Variants in CCSER1 observed in about 807,000 individuals in gnomAD.
CCSER1 encodes serine-rich coiled-coil domain-containing protein 1.
A neutral mutation model predicts 82.0 loss-of-function variants in CCSER1; 41 were observed. The ratio of observed to expected loss-of-function variants is 0.50; its 90% CI spans 0.39 to 0.65. The LOEUF (loss-of-function observed/expected upper bound fraction) is 0.65. Among genes scored for constraint, CCSER1 ranks in the 30% least tolerant of loss-of-function variants. The probability of loss-of-function intolerance (pLI) is 0.00; values close to 1 mark genes in which losing one functional copy is unlikely to be tolerated. For missense variants in CCSER1, 1,119 were observed against 1,064.2 expected, an observed-to-expected ratio of 1.05 and a Z score of -0.72; for synonymous variants, 414 against 383.9, an observed-to-expected ratio of 1.08 and a Z score of -0.92.
At chr4:91,194,673 AACAC>A (rs370891528) in intron 10 of CCSER1, among the ~76,000 whole-genome samples, 2,745 of 150,032 alleles carry the variant, frequency 0.018, 61 homozygotes, top group African/African-American at 0.054. Context: ...CATGGTAGAG[AACAC>A]ACACACACAC....
intron 3 of CCSER1, among the ~76,000 whole-genome samples, chr4:90,391,444 G>GGATA (rs1465114730): frequency 5.3e-5 from 2 of 37,472 alleles, no homozygotes; most frequent in African/African-American, 1.0e-4. Context: ...ATATATGGGG[G>GGATA]TATATATATA....
intron 9 of CCSER1, among the ~76,000 whole-genome samples, chr4:91,078,627 C>T (rs1204993253): frequency 6.6e-6 from 1 of 152,152 alleles, no homozygotes; most frequent in Non-Finnish European, 1.5e-5. Flanking sequence ...TAATAACAAA[C>T]TTCTCCGAGC....
chr4:91,212,099 C>A (rs149528370), intron 10 of CCSER1, among the ~76,000 whole-genome samples: 1 of 151,936 alleles, frequency 6.6e-6, no homozygotes, highest in East Asian at 1.9e-4. Flanking sequence ...AAATTATGAC[C>A]GTGTTTCTAA....
intron 7 of CCSER1, among the ~76,000 whole-genome samples, chr4:90,747,472 G>T (rs1374636822): frequency 6.6e-6 from 1 of 151,998 alleles, no homozygotes; most frequent in Non-Finnish European, 1.5e-5. Flanking sequence ...GCGGAGCTAG[G>T]CTGAGAGCAG....
chr4:91,246,700 C>T (rs554486226), intron 10 of CCSER1, among the ~76,000 whole-genome samples: 20 of 152,176 alleles, frequency 1.3e-4, no homozygotes, highest in African/African-American at 4.6e-4. Flanking sequence ...AATGGAGTAG[C>T]ATTCCATGAT....
intron 10 of CCSER1, among the ~76,000 whole-genome samples, chr4:91,173,473 A>G (rs1393760088): frequency 1.3e-5 from 2 of 152,092 alleles, no homozygotes; most frequent in African/African-American, 4.8e-5. Flanking sequence ...ATGCGCCTAT[A>G]GCCCCAGCTA....
intron 1 of CCSER1, among the ~76,000 whole-genome samples, chr4:90,294,290 T>C (rs1205838267): frequency 6.6e-6 from 1 of 152,036 alleles, no homozygotes; most frequent in Non-Finnish European, 1.5e-5. Context: ...GGCAGGAGGA[T>C]AGCTTGAGCC....
chr4:90,422,061 A>T (rs554717757), intron 4 of CCSER1, among the ~76,000 whole-genome samples: 1 of 152,184 alleles, frequency 6.6e-6, no homozygotes, highest in Admixed American at 6.5e-5. Context: ...TGTTACAATC[A>T]CATATCAGAT....
intron 10 of CCSER1, among the ~76,000 whole-genome samples, chr4:91,440,116 T>G (rs1470305163): frequency 1.3e-5 from 2 of 152,112 alleles, no homozygotes; most frequent in African/African-American, 2.4e-5. Context: ...CAAGTGGACC[T>G]AATAGACATC....
At chr4:90,287,489 C>T (rs370188867) in intron 1 of CCSER1, among the ~76,000 whole-genome samples, 60 of 151,730 alleles carry the variant, frequency 4.0e-4, no homozygotes, top group Admixed American at 2.2e-3. Context: ...CACTTTATCT[C>T]GGTGACTCCT....
chr4:91,328,621 A>G (rs1011090295), intron 10 of CCSER1, among the ~76,000 whole-genome samples: 2 of 152,188 alleles, frequency 1.3e-5, no homozygotes, highest in Admixed American at 1.3e-4. Flanking sequence ...ACTTACCTGA[A>G]TTATTTGTAC....
intron 5 of CCSER1, among the ~76,000 whole-genome samples, chr4:90,481,524 A>G (rs565607305): frequency 6.6e-6 from 1 of 152,160 alleles, no homozygotes; most frequent in African/African-American, 2.4e-5. Context: ...GAAAGCGCTT[A>G]TTATTTTGAG....
At chr4:90,206,586 C>T (rs1738880165) in intron 1 of CCSER1, among the ~76,000 whole-genome samples, 1 of 151,966 alleles carries the variant, frequency 6.6e-6, no homozygotes, top group Admixed American at 6.6e-5. Flanking sequence ...CATTCTTTTG[C>T]ATTTGCTGAG....
chr4:90,159,324 C>T (rs934456042), intron 1 of CCSER1, among the ~76,000 whole-genome samples: 2 of 152,112 alleles, frequency 1.3e-5, no homozygotes, highest in African/African-American at 4.8e-5. Context: ...GGATTAAAGG[C>T]ATGAACCACC....
chr4:90,625,657 C>T (rs1159876292), intron 5 of CCSER1, among the ~76,000 whole-genome samples: 1 of 152,146 alleles, frequency 6.6e-6, no homozygotes, highest in South Asian at 2.1e-4. Context: ...CTCTTAAAGT[C>T]AGTGACAGAA....
At chr4:90,751,420 A>C (rs1748644870) in intron 7 of CCSER1, among the ~76,000 whole-genome samples, 1 of 152,088 alleles carries the variant, frequency 6.6e-6, no homozygotes, top group Non-Finnish European at 1.5e-5. Flanking sequence ...TTACCTGTTG[A>C]TTTGAGTAAG....
At chr4:91,448,821 C>T (rs1755716276) in intron 10 of CCSER1, among the ~76,000 whole-genome samples, 1 of 152,026 alleles carries the variant, frequency 6.6e-6, no homozygotes, top group African/African-American at 2.4e-5. Flanking sequence ...GAAAAAAATG[C>T]ATGAAGTTAC....
chr4:91,535,113 G>A (rs1427243567), intron 10 of CCSER1, among the ~76,000 whole-genome samples: 1 of 151,784 alleles, frequency 6.6e-6, no homozygotes, highest in Non-Finnish European at 1.5e-5. Context: ...GAGGATTTTA[G>A]CATCATTATT....
At chr4:90,512,890 AT>A (rs1771746328) in intron 5 of CCSER1, among the ~76,000 whole-genome samples, 1 of 152,200 alleles carries the variant, frequency 6.6e-6, no homozygotes, top group Admixed American at 6.5e-5. Flanking sequence ...CAAATAACAC[AT>A]TTATTTATCA....
Sources: gnomAD v4.1 joint callset for allele counts (sites outside exome capture counted in the v4.1 genomes callset) on GRCh38, gnomAD v4.1.1 for gene constraint, MANE v1.5 for transcripts, NCBI Gene and HGNC (gene_info 2026-07-23, HGNC 2026-07-21) for gene names.